The following ADGRB3 variants were observed in gnomAD, a reference collection of about 807,000 sequenced individuals.
ADGRB3 encodes brain-specific angiogenesis inhibitor 3.
Under a neutral mutation model 193.4 loss-of-function variants are expected in ADGRB3, and 37 were observed. The ratio of observed to expected loss-of-function variants is 0.19; its 90% CI spans 0.15 to 0.25. The LOEUF is 0.25. Among genes scored for constraint, ADGRB3 ranks in the 10% least tolerant of loss-of-function variants. The probability of loss-of-function intolerance (pLI) is 1.00; values close to 1 mark genes in which losing one functional copy is unlikely to be tolerated. For synonymous variants in ADGRB3, 690 were observed against 644.2 expected (o/e 1.07, Z -1.08); for missense variants, 1,637 against 1,852.9 (o/e 0.88, Z 2.14).
intron 16 of ADGRB3, among the ~76,000 whole-genome samples, chr6:69,074,537 C>CTTTTT (rs956596624): frequency 1.7e-5 from 2 of 115,886 alleles, no homozygotes; most frequent in Non-Finnish European, 3.7e-5. Context: ...CAGGACTGTA[C>CTTTTT]TTTTTTTTTT....
At chr6:69,050,338 G>A (rs73745939) in intron 15 of ADGRB3, among the ~76,000 whole-genome samples, 2,611 of 152,262 alleles carry the variant, frequency 0.017, 81 homozygotes, top group African/African-American at 0.059. Flanking sequence ...GAGCCCCTGT[G>A]GTTGTCATGC....
chr6:69,208,678 G>T (rs1256312106), intron 17 of ADGRB3, among the ~76,000 whole-genome samples: 1 of 152,180 alleles, frequency 6.6e-6, no homozygotes, highest in East Asian at 1.9e-4. Flanking sequence ...CTCCCCATGA[G>T]GCCATCAGTG....
At chr6:69,040,269 C>T (rs1055506834) in intron 13 of ADGRB3, among the ~76,000 whole-genome samples, 11 of 152,040 alleles carry the variant, frequency 7.2e-5, no homozygotes, top group African/African-American at 1.2e-4. Flanking sequence ...CTTTCCCCCA[C>T]TCTATTGTCA....
intron 19 of ADGRB3, among the ~76,000 whole-genome samples, 167 bp downstream of exon 19, chr6:69,235,302 T>C (rs1766236004): frequency 6.6e-6 from 1 of 152,116 alleles, no homozygotes; most frequent in Non-Finnish European, 1.5e-5. Flanking sequence ...TGAATTATGT[T>C]TACCTAATTT....
At chr6:69,234,995 A>C (rs1170288141) in intron 18 of ADGRB3, 37 bp from the exon 19 acceptor site, 1 of 1,515,818 alleles carries the variant, frequency 6.6e-7, no homozygotes. Context: ...TTTATTAAAA[A>C]CCAATTTGTT....
At chr6:69,126,783 A>T (rs994560986) in intron 17 of ADGRB3, among the ~76,000 whole-genome samples, 1 of 152,108 alleles carries the variant, frequency 6.6e-6, no homozygotes, top group African/African-American at 2.4e-5. Flanking sequence ...TAACCATCAC[A>T]CTTACCTTCC....
chr6:69,349,412 T>A (rs1467527389), intron 26 of ADGRB3, among the ~76,000 whole-genome samples: 1 of 152,228 alleles, frequency 6.6e-6, no homozygotes, highest in African/African-American at 2.4e-5. Context: ...GAAATTTGCA[T>A]CTGGAATGCA....
intron 26 of ADGRB3, among the ~76,000 whole-genome samples, chr6:69,348,310 C>T (rs1444742794): frequency 6.6e-6 from 1 of 152,002 alleles, no homozygotes; most frequent in Non-Finnish European, 1.5e-5. Flanking sequence ...GCCGTCCCAG[C>T]TGTTCCCTAC....
intron 3 of ADGRB3, among the ~76,000 whole-genome samples, chr6:68,851,317 G>A (rs943556230): frequency 4.0e-5 from 6 of 151,432 alleles, no homozygotes; most frequent in African/African-American, 1.2e-4. Context: ...TTATAGTATC[G>A]TCTTTCCTTT....
intron 17 of ADGRB3, among the ~76,000 whole-genome samples, chr6:69,114,890 A>G (rs1015937355): frequency 3.3e-5 from 5 of 152,236 alleles, no homozygotes; most frequent in East Asian, 3.9e-4. Flanking sequence ...CAAAACCACA[A>G]TGAGATACCA....
chr6:69,041,942 C>T (rs1277951580), intron 13 of ADGRB3, among the ~76,000 whole-genome samples: 3 of 152,164 alleles, frequency 2.0e-5, no homozygotes, highest in Non-Finnish European at 2.9e-5. Context: ...TGTTCCCACC[C>T]AAATCTCATT....
chr6:69,189,942 A>G (rs1351882389), intron 17 of ADGRB3, among the ~76,000 whole-genome samples: 1 of 152,190 alleles, frequency 6.6e-6, no homozygotes, highest in African/African-American at 2.4e-5. Context: ...TCTCTTAGTT[A>G]CACTGTAGCC....
intron 3 of ADGRB3, among the ~76,000 whole-genome samples, chr6:68,868,955 A>G (rs1582269300): frequency 9.6e-6 from 1 of 103,748 alleles, no homozygotes; most frequent in Non-Finnish European, 2.1e-5. Flanking sequence ...GTGTGTGTTT[A>G]AACTTAATCT....
At chr6:69,323,326 A>C (rs567655841) in intron 20 of ADGRB3, among the ~76,000 whole-genome samples, 14 of 152,096 alleles carry the variant, frequency 9.2e-5, no homozygotes. Flanking sequence ...TTGGAATTCA[A>C]ATGGATTGGT....
At chr6:69,108,079 C>T (rs1055217660) in intron 17 of ADGRB3, among the ~76,000 whole-genome samples, 1 of 150,348 alleles carries the variant, frequency 6.7e-6, no homozygotes, top group African/African-American at 2.4e-5. Flanking sequence ...CGAAGAAGAA[C>T]GAACTCTCTT....
At chr6:69,358,314 C>T (rs1769376655) in intron 28 of ADGRB3, among the ~76,000 whole-genome samples, 1 of 151,824 alleles carries the variant, frequency 6.6e-6, no homozygotes, top group African/African-American at 2.4e-5. Flanking sequence ...ATAAGCCATC[C>T]AGATAATTTT....
chr6:69,382,929 C>A lies in ADGRB3; in HGVS notation c.4374C>A (p.Ser1458Arg), dbSNP rs1769982645. The A allele has an allele frequency of 6.3e-7, 1 of 1,596,456 alleles. No individual in the cohort carries two copies. ...LDRFRDIPNT[S>R]SMENPAPNKN... is the part of the protein sequence containing the mutation. The stretch of plus-strand genomic sequence containing the variant: ...GATTTCGGGATATACCAAATACAAG[C>A]AGTATGGTAAGTATGCTTTGCTTCA... The change falls in exon 31 of 32, where the codon AGC becomes AGA. Residue 1458 changes from serine to arginine, a missense_variant. Physicochemically the swap from Ser to Arg is moderately radical, Grantham distance 110. Transcript: ENST00000370598.
At chr6:68,928,956 TAGTC>T (rs1206140411) in intron 3 of ADGRB3, among the ~76,000 whole-genome samples, 1 of 152,220 alleles carries the variant, frequency 6.6e-6, no homozygotes, top group Non-Finnish European at 1.5e-5. Flanking sequence ...AAATATTGGA[TAGTC>T]AGTCTAGATA....
At chr6:68,643,010 A>G (rs778817287) in intron 3 of ADGRB3, among the ~76,000 whole-genome samples, 1 of 152,236 alleles carries the variant, frequency 6.6e-6, no homozygotes, top group East Asian at 1.9e-4. Context: ...TTACCACTTC[A>G]TTTATAATAA....
Sources: allele counts gnomAD v4.1 joint callset (sites outside exome capture counted in the v4.1 genomes callset), GRCh38; gene constraint gnomAD v4.1.1; transcripts MANE v1.5; gene names NCBI Gene and HGNC (gene_info 2026-07-23, HGNC 2026-07-21).